Variants in SERINC5 observed in about 807,000 individuals in gnomAD.
The protein encoded by SERINC5 is serine incorporator 5.
In SERINC5, 41 loss-of-function variants were observed where a neutral mutation model predicts 63.1. The observed-to-expected ratio is 0.65, with a 90% CI of 0.51 to 0.84. The LOEUF is 0.84. SERINC5 is among the 40% of genes least tolerant of loss of function. The pLI, the probability that SERINC5 is intolerant of heterozygous loss-of-function variation, is 0.00. For missense variants in SERINC5, 523 were observed against 573.0 expected, an observed-to-expected ratio of 0.91 and a Z score of 0.89; for synonymous variants, 222 against 215.2, an observed-to-expected ratio of 1.03 and a Z score of -0.28.
Position 80,158,876 on chromosome 5 carries a change from G to C in SERINC5, c.946C>G (p.Leu316Val), listed in dbSNP as rs1369325694. 6.2e-7 allele frequency: 1 copy of C among 1,613,546 alleles called. No homozygotes were observed. Among genetic ancestry groups the C allele is most frequent in the Non-Finnish European group, 8.5e-7 (1 of 1,179,710 alleles). ...LYRDENLVTI[L>V]GTSLLIGCIL... ...CATCCGATTAAGAGGCTGGTCCCCA[G>C]TATAGTCACCAAGTTTTCATCTCTG... The change falls in exon 8 of 12, where the codon CTG (leucine) becomes GTG (valine). Residue 316 changes from leucine (L) to valine (V), a missense_variant. Leu to Val is a conservative substitution (Grantham distance 32, BLOSUM62 1). Transcript: ENST00000507668.
chr5:80,228,356 G>T (rs2112557351), intron 1 of SERINC5, among the ~76,000 whole-genome samples: 1 of 151,980 alleles, frequency 6.6e-6, no homozygotes, highest in South Asian at 2.1e-4. Flanking sequence ...TAGACACTCA[G>T]CATAAAACAG....
At chr5:80,150,754 C>T (rs1051158545) in intron 9 of SERINC5, 128 bp downstream of exon 9, 2 of 745,414 alleles carry the variant, frequency 2.7e-6, no homozygotes, top group Non-Finnish European at 4.7e-6. Flanking sequence ...TTTTTCTATA[C>T]AAAAATCTTT....
chr5:80,242,682 G>A (rs561647137), intron 1 of SERINC5, among the ~76,000 whole-genome samples: 40 of 152,130 alleles, frequency 2.6e-4, no homozygotes, highest in African/African-American at 6.0e-4. Flanking sequence ...CCCAGGAGGC[G>A]GAGGTTGCAG....
chr5:80,218,416 C>T (rs918286002), intron 1 of SERINC5, among the ~76,000 whole-genome samples: 5 of 152,100 alleles, frequency 3.3e-5, no homozygotes, highest in Admixed American at 2.6e-4. Flanking sequence ...GGCACATGCC[C>T]GTAATCCCAG....
chr5:80,240,396 T>C (rs374278096), intron 1 of SERINC5, among the ~76,000 whole-genome samples: 1 of 152,238 alleles, frequency 6.6e-6, no homozygotes. Flanking sequence ...TTCTTAACCA[T>C]TTAACATTTA....
At chr5:80,208,280 A>C (rs1010575778) in intron 1 of SERINC5, among the ~76,000 whole-genome samples, 4 of 151,818 alleles carry the variant, frequency 2.6e-5, no homozygotes, top group Non-Finnish European at 5.9e-5. Flanking sequence ...GGAGGAGCTG[A>C]TAATGGGGGA....
In SERINC5 at chr5:80,256,044, G is replaced by C. The variant is rs1011174014; in HGVS notation, c.-122C>G. On this transcript the variant is annotated 5_prime_UTR_variant, in exon 1 of 12. Transcript: ENST00000507668. ...TCACACTTGAACGAAGATCAGCCTC[G>C]GCGAAGCGCCTAGGCGCCGAGGCCT... 7 of 1,101,148 alleles carry C rather than the reference G, an allele frequency of 6.4e-6. No homozygotes were observed. The African/African-American group carries it at 6.7e-5, about 11-fold the overall frequency. 68.2% of individuals were successfully genotyped at this position (1,101,148 alleles called of 1,614,324 possible). A position where few individuals can be genotyped will look rare whatever the true frequency, so the allele number is the denominator to read the frequency against.
At chr5:80,243,945 T>C (rs1580215941) in intron 1 of SERINC5, among the ~76,000 whole-genome samples, 1 of 151,826 alleles carries the variant, frequency 6.6e-6, no homozygotes, top group Non-Finnish European at 1.5e-5. Context: ...GGGATTTCTC[T>C]GAAGAAAAAA....
intron 1 of SERINC5, among the ~76,000 whole-genome samples, chr5:80,224,901 G>A (rs1382095090): frequency 6.6e-6 from 1 of 151,222 alleles, no homozygotes; most frequent in African/African-American, 2.4e-5. Context: ...TGGAATTACA[G>A]GCGTGAGCCA....
chr5:80,189,069 G>A (rs1749016129), intron 2 of SERINC5, among the ~76,000 whole-genome samples: 1 of 152,032 alleles, frequency 6.6e-6, no homozygotes, highest in Admixed American at 6.6e-5. Flanking sequence ...CTTATTATGT[G>A]TATCTCTCTG....
Position 80,140,279 on chromosome 5 carries a change from C to T in SERINC5, c.*3384G>A, listed in dbSNP as rs1022707920. On this transcript the variant is annotated 3_prime_UTR_variant, in exon 12 of 12. Transcript: ENST00000507668. The stretch of plus-strand genomic sequence containing the variant: ...TCAAGATCATGTCACTGCACTCCAG[C>T]GTGGCTGACAGAGTGAGCCCGTCTC... The T allele has an allele frequency of 1.7e-5, 16 of 925,112 alleles. No individual in the cohort carries two copies. The highest frequency in any genetic ancestry group is 5.2e-5 in the South Asian group (1 of 19,320). 57.3% of individuals were successfully genotyped at this position (925,112 alleles called of 1,614,324 possible).
Position 80,139,990 on chromosome 5 carries a change from G to T in SERINC5, c.*3673C>A. ...TCTGGAATTTCCTTCGCAGGAAGGT[G>T]AAGCACCAATGATGGCAAAAATTAA... On this transcript the variant is annotated 3_prime_UTR_variant, in exon 12 of 12. Coordinates refer to ENST00000507668, the MANE Select transcript of SERINC5 (RefSeq NM_001174072.3). 1 of 985,380 alleles carries T rather than the reference G, an allele frequency of 1.0e-6. No individual in the cohort carries two copies. Among genetic ancestry groups the T allele is most frequent in the Non-Finnish European group, 1.2e-6 (1 of 829,926 alleles). 61.0% of individuals were successfully genotyped at this position (985,380 alleles called of 1,614,324 possible).
At chr5:80,229,021 CTTTTTTTTTTTTT>C (rs1166636996) in intron 1 of SERINC5, among the ~76,000 whole-genome samples, 1 of 86,056 alleles carries the variant, frequency 1.2e-5, no homozygotes, top group South Asian at 4.1e-4. Context: ...TTTTACATAC[CTTTTTTTTTTTTT>C]TTTTTTTTTT....
At chr5:80,194,746 C>T (rs774369644) in intron 2 of SERINC5, among the ~76,000 whole-genome samples, 14 of 152,030 alleles carry the variant, frequency 9.2e-5, no homozygotes, top group African/African-American at 2.9e-4. Flanking sequence ...GTCTAGAAAG[C>T]GGAGGAAGGA....
Position 80,255,924 on chromosome 5 carries a change from G to C in SERINC5, c.-2C>G, listed in dbSNP as rs753264797. The C allele has an allele frequency of 8.3e-6, 13 of 1,560,546 alleles. No individual in the cohort carries two copies. The highest frequency in any genetic ancestry group is 1.0e-5 in the Non-Finnish European group (12 of 1,161,554). On this transcript the variant is annotated 5_prime_UTR_variant, in exon 1 of 12. Coordinates refer to ENST00000507668, the MANE Select transcript of SERINC5 (RefSeq NM_001174072.3). Reference sequence around the variant, plus strand: ...GCCCGCACAGCACTGAGCTGACATCGCGGCGGCCAATGCCGAAGGCGCGCT... The same window carrying C: ...GCCCGCACAGCACTGAGCTGACATCCCGGCGGCCAATGCCGAAGGCGCGCT...
intron 11 of SERINC5, among the ~76,000 whole-genome samples, chr5:80,133,335 ACTTGCT>A (rs1561353791): frequency 2.6e-5 from 4 of 152,202 alleles, no homozygotes; most frequent in African/African-American, 7.2e-5. Flanking sequence ...GGGAGGAAAA[ACTTGCT>A]CTTGCTCTTG....
intron 2 of SERINC5, among the ~76,000 whole-genome samples, chr5:80,196,015 T>C (rs1749474753): frequency 1.3e-5 from 2 of 152,150 alleles, no homozygotes; most frequent in South Asian, 2.1e-4. Context: ...AAGTGTAATA[T>C]GCAACACCAG....
chr5:80,206,491 A>C (rs556937125), intron 1 of SERINC5, among the ~76,000 whole-genome samples: 26 of 152,270 alleles, frequency 1.7e-4, no homozygotes, highest in Admixed American at 4.6e-4. Flanking sequence ...CCGATTTTCC[A>C]AGCCAGCTTC....
rs926294515 is a variant in SERINC5, at chr5:80,140,561, C to A, written c.*3102G>T. 9.2e-6 allele frequency: 9 copies of A among 977,296 alleles called. No individual in the cohort carries two copies. Among genetic ancestry groups the A allele is most frequent in the Non-Finnish European group, 1.1e-5 (9 of 828,350 alleles). 60.5% of individuals were successfully genotyped at this position (977,296 alleles called of 1,614,324 possible). ...TTTCTTTTTCAGACAAAATGAAGAA[C>A]CTTTTTGCCCAAGAAACTGTGGGCA... On this transcript the variant is annotated 3_prime_UTR_variant, in exon 12 of 12. Coordinates refer to ENST00000507668, the MANE Select transcript of SERINC5 (RefSeq NM_001174072.3).
Sources: allele counts gnomAD v4.1 joint callset (sites outside exome capture counted in the v4.1 genomes callset), GRCh38; gene constraint gnomAD v4.1.1; transcripts MANE v1.5; gene names NCBI Gene and HGNC (gene_info 2026-07-23, HGNC 2026-07-21).